The following RANBP2 variants were observed in gnomAD, a reference collection of about 807,000 sequenced individuals.
RANBP2 encodes the protein RAN binding protein 2, also known as E3 SUMO-protein ligase RanBP2.
A neutral mutation model predicts 303.6 loss-of-function variants in RANBP2; 57 were observed. The observed-to-expected ratio is 0.19, with a 90% CI of 0.15 to 0.23. The LOEUF is 0.23. Among genes scored for constraint, RANBP2 ranks in the 10% least tolerant of loss-of-function variants. RANBP2 has a pLI of 1.00. For synonymous variants in RANBP2, 1,167 were observed against 1,301.5 expected, an observed-to-expected ratio of 0.90 and a Z score of 2.23; for missense variants, 3,138 against 3,780.8, an observed-to-expected ratio of 0.83 and a Z score of 4.46.
chr2:109,567,972 T>A, the RANBP2 span: 1 of 1,590,466 alleles, frequency 6.3e-7, no homozygotes, highest in South Asian at 1.1e-5. Context: ...TGGTATAATG[T>A]TTACCTATTA....
the RANBP2 span, among the ~76,000 whole-genome samples, chr2:109,283,480 G>A: frequency 2.0e-5 from 3 of 152,210 alleles, no homozygotes; most frequent in African/African-American, 7.2e-5. Flanking sequence ...TGACCACAGA[G>A]ACCCCTGGTG....
chr2:108,825,353 C>A, the RANBP2 span, among the ~76,000 whole-genome samples: 1 of 151,894 alleles, frequency 6.6e-6, no homozygotes, highest in African/African-American at 2.4e-5. Context: ...CTGTGCAATT[C>A]AGTGTTTTTT....
At chr2:109,040,866 T>C in the RANBP2 span, among the ~76,000 whole-genome samples, 4 of 152,064 alleles carry the variant, frequency 2.6e-5, no homozygotes, top group African/African-American at 9.7e-5. Flanking sequence ...CCATCCTAGC[T>C]AACACAGTGA....
chr2:109,351,028 C>T, the RANBP2 span, among the ~76,000 whole-genome samples: 3 of 152,222 alleles, frequency 2.0e-5, no homozygotes, highest in African/African-American at 7.2e-5. Context: ...AATTAAAGTC[C>T]TTCTAAAATC....
chr2:108,723,398 G>C (rs1694439721), intron 1 of RANBP2, among the ~76,000 whole-genome samples: 1 of 151,020 alleles, frequency 6.6e-6, no homozygotes, highest in Admixed American at 6.6e-5. Context: ...TCCTGCCCCA[G>C]CCTGTAGCTG....
chr2:109,149,722 A>G, the RANBP2 span, among the ~76,000 whole-genome samples: 1 of 152,148 alleles, frequency 6.6e-6, no homozygotes, highest in Non-Finnish European at 1.5e-5. Context: ...CTTACGTTCT[A>G]ATTGGTGCCA....
the RANBP2 span, among the ~76,000 whole-genome samples, chr2:108,958,817 C>CTTGGAAGTGTCAGCCAGAG: frequency 0.26 from 39,939 of 152,000 alleles, 9,791 homozygotes; most frequent in East Asian, 0.94. Context: ...GTTACAGCCA[C>CTTGGAAGTGTCAGCCAGAG]TTGGAAGTGT....
the RANBP2 span, among the ~76,000 whole-genome samples, chr2:109,625,376 C>T: frequency 3.8e-4 from 57 of 151,830 alleles, 1 homozygote; most frequent in Admixed American, 3.3e-3. Context: ...TGAAGTAGGC[C>T]AGGTGCAATG....
the RANBP2 span, among the ~76,000 whole-genome samples, chr2:109,452,684 G>T: frequency 6.6e-6 from 1 of 152,248 alleles, no homozygotes; most frequent in Non-Finnish European, 1.5e-5. Context: ...TGTGGTGTCA[G>T]TGGCTATGGT....
At chr2:108,971,452 T>C in the RANBP2 span, among the ~76,000 whole-genome samples, 1 of 152,066 alleles carries the variant, frequency 6.6e-6, no homozygotes, top group Non-Finnish European at 1.5e-5. Context: ...GAAGGAGGAC[T>C]CTCAACCCTG....
chr2:108,832,012 C>T, the RANBP2 span, among the ~76,000 whole-genome samples: 131 of 151,978 alleles, frequency 8.6e-4, no homozygotes, highest in Admixed American at 1.5e-3. Flanking sequence ...GGATTACAAG[C>T]GTGAGCCACC....
chr2:109,524,485 G>T, the RANBP2 span, among the ~76,000 whole-genome samples: 2 of 143,574 alleles, frequency 1.4e-5, no homozygotes, highest in Admixed American at 1.4e-4. Flanking sequence ...CACTGGGCGC[G>T]ATGGCTCACG....
At chr2:108,889,805 GT>G in the RANBP2 span, among the ~76,000 whole-genome samples, 1 of 152,048 alleles carries the variant, frequency 6.6e-6, no homozygotes, top group South Asian at 2.1e-4. Flanking sequence ...GATATGTGAG[GT>G]TTTGTTGTCT....
chr2:109,683,670 ACT>A, the RANBP2 span, among the ~76,000 whole-genome samples: 1 of 151,434 alleles, frequency 6.6e-6, no homozygotes, highest in East Asian at 1.9e-4. Flanking sequence ...CACTAAGCAC[ACT>A]CTCTGTCTGG....
the RANBP2 span, among the ~76,000 whole-genome samples, chr2:109,402,136 A>G: frequency 1.3e-5 from 2 of 152,190 alleles, no homozygotes; most frequent in Admixed American, 6.5e-5. Context: ...GTGTGCTGCT[A>G]TGGTCTGGAT....
chr2:109,655,708 T>C, the RANBP2 span, among the ~76,000 whole-genome samples: 1 of 151,586 alleles, frequency 6.6e-6, no homozygotes, highest in Admixed American at 6.6e-5. Flanking sequence ...CCACTTGAAC[T>C]GTTTGTGTGG....
chr2:108,946,030 C>T, the RANBP2 span, among the ~76,000 whole-genome samples: 3 of 152,190 alleles, frequency 2.0e-5, no homozygotes, highest in Non-Finnish European at 4.4e-5. Context: ...TGCACTAGTA[C>T]TGGCAGCACT....
chr2:109,090,204 G>C, the RANBP2 span, among the ~76,000 whole-genome samples: 507 of 152,050 alleles, frequency 3.3e-3, 2 homozygotes, highest in African/African-American at 0.012. Flanking sequence ...TCCACCTGCT[G>C]CCAATGGTAC....
chr2:109,199,005 T>C, the RANBP2 span, among the ~76,000 whole-genome samples: 2 of 152,144 alleles, frequency 1.3e-5, no homozygotes, highest in African/African-American at 4.8e-5. Context: ...GGTGTGTGAC[T>C]GTATTTACAT....
Sources: gnomAD v4.1 joint callset for allele counts (sites outside exome capture counted in the v4.1 genomes callset) on GRCh38, gnomAD v4.1.1 for gene constraint, MANE v1.5 for transcripts, NCBI Gene and HGNC (gene_info 2026-07-23, HGNC 2026-07-21) for gene names.